Variants in DYM observed in about 807,000 individuals in gnomAD.
DYM encodes dyggve-Melchior-Clausen syndrome protein.
In DYM, 78 loss-of-function variants were observed where a neutral mutation model predicts 93.1. That is an observed-to-expected ratio of 0.84 (90% CI 0.70 to 1.01). The LOEUF (loss-of-function observed/expected upper bound fraction) is 1.01, where lower values mean the gene tolerates loss of function less well. DYM is among the 50% of genes least tolerant of loss of function. DYM has a pLI of 0.00. For missense variants in DYM, 789 were observed against 845.0 expected (o/e 0.93, Z 0.82); for synonymous variants, 321 against 319.7 (o/e 1.00, Z -0.04).
chr18:49,149,702 G>GTTTTTTTTTTTTT (rs35259913), intron 15 of DYM, among the ~76,000 whole-genome samples: 2 of 76,844 alleles, frequency 2.6e-5, no homozygotes, highest in African/African-American at 5.2e-5. Flanking sequence ...ATTACAAAGT[G>GTTTTTTTTTTTTT]TTTTTTTTTT....
At chr18:49,409,350 T>C (rs2071935020) in intron 2 of DYM, among the ~76,000 whole-genome samples, 1 of 151,844 alleles carries the variant, frequency 6.6e-6, no homozygotes, top group Non-Finnish European at 1.5e-5. Context: ...TTCTGGATTA[T>C]ATTTGTTCAT....
chr18:49,302,906 A>G (rs1217534969), intron 8 of DYM, among the ~76,000 whole-genome samples: 2 of 152,190 alleles, frequency 1.3e-5, no homozygotes, highest in Non-Finnish European at 2.9e-5. Context: ...TGAAAATAAT[A>G]CAAGTTTAGA....
At chr18:49,369,389 A>T (rs778110906) in intron 5 of DYM, among the ~76,000 whole-genome samples, 9 of 152,160 alleles carry the variant, frequency 5.9e-5, no homozygotes, top group South Asian at 2.1e-4. Flanking sequence ...GAAGGGACAG[A>T]ACCTTGGACA....
intron 6 of DYM, among the ~76,000 whole-genome samples, chr18:49,351,358 G>A (rs553550489): frequency 2.6e-5 from 4 of 151,596 alleles, no homozygotes; most frequent in South Asian, 2.1e-4. Context: ...GCAACAGAGC[G>A]AGACTCTGTC....
chr18:49,222,322 A>G (rs1203967008), intron 13 of DYM, among the ~76,000 whole-genome samples: 4 of 152,100 alleles, frequency 2.6e-5, no homozygotes, highest in African/African-American at 9.7e-5. Context: ...AGCTTTGTCC[A>G]TTGAAGAGAC....
At chr18:49,389,034 C>CT (rs1035443996) in intron 3 of DYM, among the ~76,000 whole-genome samples, 3 of 151,886 alleles carry the variant, frequency 2.0e-5, no homozygotes, top group African/African-American at 7.3e-5. Flanking sequence ...TTGATATGCA[C>CT]TTATACTTAT....
chr18:49,205,313 C>A (rs1322489895), intron 14 of DYM, among the ~76,000 whole-genome samples: 5 of 152,046 alleles, frequency 3.3e-5, no homozygotes, highest in Non-Finnish European at 1.5e-5. Context: ...CAATCACATT[C>A]AAATAATTAA....
chr18:49,140,775 A>G (rs1170194871), intron 15 of DYM, among the ~76,000 whole-genome samples: 1 of 152,184 alleles, frequency 6.6e-6, no homozygotes, highest in Non-Finnish European at 1.5e-5. Context: ...AGAATAATAA[A>G]TTTCATGCCC....
intron 13 of DYM, among the ~76,000 whole-genome samples, chr18:49,253,973 A>C (rs1028204451): frequency 3.3e-5 from 5 of 152,024 alleles, no homozygotes; most frequent in Admixed American, 2.0e-4. Flanking sequence ...ATCCCCATAG[A>C]GGTCCACAGC....
chr18:49,317,353 T>C (rs1179153205), intron 8 of DYM, among the ~76,000 whole-genome samples: 1 of 152,152 alleles, frequency 6.6e-6, no homozygotes, highest in African/African-American at 2.4e-5. Flanking sequence ...GTGAATGTGG[T>C]GAGACACAGT....
chr18:49,385,967 T>C (rs1277027633), intron 3 of DYM, among the ~76,000 whole-genome samples: 1 of 152,054 alleles, frequency 6.6e-6, no homozygotes, highest in Admixed American at 6.6e-5. Context: ...CCATGCCAGG[T>C]TAATTTTTAT....
intron 15 of DYM, among the ~76,000 whole-genome samples, chr18:49,145,108 C>CATACATATAT (rs1555778613): frequency 2.7e-4 from 5 of 18,754 alleles, no homozygotes; most frequent in African/African-American, 5.9e-4. Context: ...CAAAAAAATT[C>CATACATATAT]ATATATATAT....
At chr18:49,416,383 C>G (rs778822459) in intron 2 of DYM, among the ~76,000 whole-genome samples, 7 of 152,172 alleles carry the variant, frequency 4.6e-5, no homozygotes, top group Non-Finnish European at 1.0e-4. Context: ...CCCTGCCATG[C>G]TACATGGTCT....
chr18:49,383,193 T>C (rs368125479), intron 3 of DYM, among the ~76,000 whole-genome samples: 1 of 152,380 alleles, frequency 6.6e-6, no homozygotes, highest in East Asian at 1.9e-4. Context: ...GTGAACTTAT[T>C]TGGCCCCCAA....
chr18:49,438,678 C>T (rs2081066249), intron 1 of DYM, among the ~76,000 whole-genome samples: 1 of 152,114 alleles, frequency 6.6e-6, no homozygotes, highest in Non-Finnish European at 1.5e-5. Flanking sequence ...CAGGGTGCTA[C>T]CTGCTAGGAA....
chr18:49,313,203 T>C (rs954516815), intron 8 of DYM, among the ~76,000 whole-genome samples: 8 of 151,962 alleles, frequency 5.3e-5, no homozygotes, highest in Admixed American at 2.0e-4. Context: ...TGGTGGCTCA[T>C]GCCTGTAATC....
intron 15 of DYM, among the ~76,000 whole-genome samples, chr18:49,130,601 T>G (rs1007438465): frequency 3.9e-5 from 6 of 152,238 alleles, no homozygotes; most frequent in African/African-American, 1.4e-4. Context: ...AAGTGCCTAT[T>G]GGCTTTTCCC....
intron 15 of DYM, among the ~76,000 whole-genome samples, chr18:49,139,863 T>C (rs1489724307): frequency 2.0e-5 from 3 of 152,158 alleles, no homozygotes; most frequent in Non-Finnish European, 2.9e-5. Context: ...TCCTAGGTTG[T>C]TGGTTTTTTC....
chr18:49,401,898 C>T lies in DYM; in HGVS notation c.141-10253G>A, dbSNP rs113888336. On this transcript the variant is annotated intron_variant, in intron 2 of 17. Transcript: ENST00000675505. The stretch of plus-strand genomic sequence containing the variant: ...AAAATTAGCTGAGTGTGGTGATGCG[C>T]ACCTGTAATCCCAGCTACTTGGGAG... Among the ~76,000 whole-genome samples the T allele has an allele frequency of 6.7e-3, 1,011 of 151,944 alleles. 6 individuals are homozygous for T. The highest frequency in any genetic ancestry group is 0.023 in the African/African-American group (951 of 41,448).
Sources: gnomAD v4.1 joint callset for allele counts (sites outside exome capture counted in the v4.1 genomes callset) on GRCh38, gnomAD v4.1.1 for gene constraint, MANE v1.5 for transcripts, NCBI Gene and HGNC (gene_info 2026-07-23, HGNC 2026-07-21) for gene names.